Variants in CENPQ observed in about 807,000 individuals in gnomAD.
CENPQ encodes the protein centromere protein Q.
CENPQ carries 27 observed loss-of-function variants against 36.6 expected under a neutral mutation model. The ratio of observed to expected loss-of-function variants is 0.74; its 90% confidence interval spans 0.54 to 1.02. The LOEUF (loss-of-function observed/expected upper bound fraction) is 1.02, where lower values mean the gene tolerates loss of function less well. Among genes scored for constraint, CENPQ ranks in the 50% least tolerant of loss-of-function variants. The pLI is 0.00. For synonymous variants in CENPQ, 101 were observed against 101.7 expected, an observed-to-expected ratio of 0.99 and a Z score of 0.04; for missense variants, 306 against 301.8, an observed-to-expected ratio of 1.01 and a Z score of -0.10.
intron 6 of CENPQ, among the ~76,000 whole-genome samples, chr6:49,482,855 G>A (rs937011310): frequency 1.8e-4 from 28 of 152,136 alleles, no homozygotes; most frequent in Non-Finnish European, 3.7e-4. Context: ...CCTCCCAGTG[G>A]GTTCGTGGTC....
chr6:49,471,752 G>C (rs1768140427), intron 3 of CENPQ, among the ~76,000 whole-genome samples: 1 of 152,028 alleles, frequency 6.6e-6, no homozygotes, highest in South Asian at 2.1e-4. Context: ...TCCTCTCAAT[G>C]AAATGTTTAA....
At chr6:49,471,121 T>A in intron 3 of CENPQ, 93 bp downstream of exon 3, 1 of 669,620 alleles carries the variant, frequency 1.5e-6, no homozygotes. Flanking sequence ...TTATGAGTTC[T>A]GCAAAAGATA....
chr6:49,481,230 T>G, intron 6 of CENPQ, 150 bp downstream of exon 6: 1 of 648,084 alleles, frequency 1.5e-6, no homozygotes, highest in Non-Finnish European at 2.4e-6. Context: ...GTTGTTGTTT[T>G]CATTAAAGCA....
At chr6:49,468,553 C>T (rs975319689) in intron 1 of CENPQ, among the ~76,000 whole-genome samples, 1 of 151,940 alleles carries the variant, frequency 6.6e-6, no homozygotes, top group African/African-American at 2.4e-5. Context: ...GCCGAGATCG[C>T]ACCACTGCAC....
intron 1 of CENPQ, among the ~76,000 whole-genome samples, chr6:49,468,579 A>G (rs1274660288): frequency 1.3e-5 from 2 of 152,056 alleles, no homozygotes; most frequent in African/African-American, 4.8e-5. Context: ...CCCAAGCGAC[A>G]GTGCAAGACT....
intron 5 of CENPQ, among the ~76,000 whole-genome samples, chr6:49,473,645 G>A (rs1768199511): frequency 6.6e-6 from 1 of 152,152 alleles, no homozygotes; most frequent in Admixed American, 6.5e-5. Context: ...ATATCATAAT[G>A]ACAGGATCAA....
intron 5 of CENPQ, among the ~76,000 whole-genome samples, chr6:49,479,493 G>A (rs1306977544): frequency 6.6e-6 from 1 of 152,064 alleles, no homozygotes; most frequent in Non-Finnish European, 1.5e-5. Flanking sequence ...CAGATGCTGG[G>A]AGGTTGCCAA....
intron 5 of CENPQ, among the ~76,000 whole-genome samples, chr6:49,477,350 C>G (rs1768319913): frequency 6.9e-6 from 1 of 144,578 alleles, no homozygotes; most frequent in South Asian, 2.1e-4. Flanking sequence ...TATTCTCACT[C>G]ATAGGTGTGA....
chr6:49,473,567 T>C (rs544154037), intron 5 of CENPQ, among the ~76,000 whole-genome samples: 57 of 152,196 alleles, frequency 3.7e-4, no homozygotes, highest in African/African-American at 1.4e-3. Flanking sequence ...TGCAAAAACA[T>C]GCCAAATTGT....
intron 1 of CENPQ, among the ~76,000 whole-genome samples, chr6:49,464,430 T>G (rs2127422214): frequency 6.6e-6 from 1 of 152,328 alleles, no homozygotes; most frequent in East Asian, 1.9e-4. Flanking sequence ...AGATTGGAGT[T>G]GCTGTGGCAG....
intron 8 of CENPQ, among the ~76,000 whole-genome samples, chr6:49,489,280 T>A (rs982544655): frequency 2.0e-5 from 3 of 152,192 alleles, no homozygotes; most frequent in African/African-American, 7.2e-5. Context: ...AACATCTTCA[T>A]CATGAATAGA....
At chr6:49,473,251 T>G (rs145704643) in intron 5 of CENPQ, among the ~76,000 whole-genome samples, 1 of 152,344 alleles carries the variant, frequency 6.6e-6, no homozygotes, top group East Asian at 1.9e-4. Flanking sequence ...TTAAATTATT[T>G]GCATGAGCAA....
chr6:49,469,954 TAA>T (rs71800858), intron 1 of CENPQ, among the ~76,000 whole-genome samples: 45,952 of 151,154 alleles, frequency 0.3, 7,433 homozygotes, highest in South Asian at 0.37. Flanking sequence ...CTTATTCTGA[TAA>T]GAGTGAAAAT....
At chr6:49,476,027 C>G (rs1054631351) in intron 5 of CENPQ, among the ~76,000 whole-genome samples, 2 of 152,014 alleles carry the variant, frequency 1.3e-5, no homozygotes, top group African/African-American at 4.8e-5. Flanking sequence ...TCAGTGCCAT[C>G]CCCATCAAGC....
intron 6 of CENPQ, among the ~76,000 whole-genome samples, chr6:49,482,548 G>C (rs1768462807): frequency 6.6e-6 from 1 of 152,146 alleles, no homozygotes; most frequent in South Asian, 2.1e-4. Flanking sequence ...GTCGGTCCAG[G>C]GGTCCTCAGT....
rs192093755 is a variant in CENPQ, at chr6:49,467,096, A to G, written c.-18-3063A>G. Among the ~76,000 whole-genome samples, 133 of 152,342 alleles carry G rather than the reference A, an allele frequency of 8.7e-4. 1 individual carries two copies. Among genetic ancestry groups the G allele is most frequent in the African/African-American group, 2.4e-3 (98 of 41,578 alleles). ...TACAATACACACCACAGTCTCCACA[A>G]CAAAGAATGATCCATCTAAAATGTT... On this transcript the variant is annotated intron_variant, in intron 1 of 8. Transcript: ENST00000335783.
chr6:49,481,404 A>G (rs1211393799), intron 6 of CENPQ, among the ~76,000 whole-genome samples: 7 of 152,016 alleles, frequency 4.6e-5, no homozygotes, highest in Non-Finnish European at 5.9e-5. Flanking sequence ...ACGTGTCTGG[A>G]ATTTGTTCCT....
At chr6:49,482,172 G>A (rs778541558) in intron 6 of CENPQ, among the ~76,000 whole-genome samples, 16 of 152,142 alleles carry the variant, frequency 1.1e-4, no homozygotes, top group Admixed American at 3.9e-4. Flanking sequence ...CGCAAGCACC[G>A]CGCGCAGCCC....
At chr6:49,487,388 T>C (rs1016576306) in intron 6 of CENPQ, among the ~76,000 whole-genome samples, 1 of 146,136 alleles carries the variant, frequency 6.8e-6, no homozygotes, top group African/African-American at 2.5e-5. Context: ...TACAAACAAT[T>C]CACAGTTCTT....
Sources: allele counts gnomAD v4.1 joint callset (sites outside exome capture counted in the v4.1 genomes callset), GRCh38; gene constraint gnomAD v4.1.1; transcripts MANE v1.5; gene names NCBI Gene and HGNC (gene_info 2026-07-23, HGNC 2026-07-21).